Variants in TPP2 observed in about 807,000 individuals in gnomAD.
The protein encoded by TPP2 is tripeptidyl peptidase 2.
A neutral mutation model predicts 155.9 loss-of-function variants in TPP2; 34 were observed. The ratio of observed to expected loss-of-function variants is 0.22; its 90% CI spans 0.17 to 0.29. The LOEUF (loss-of-function observed/expected upper bound fraction) is 0.29, where lower values mean the gene tolerates loss of function less well. TPP2 is among the 10% of genes least tolerant of loss of function. The pLI is 1.00. For missense variants in TPP2, 1,028 were observed against 1,522.3 expected (o/e 0.68, Z 5.40); for synonymous variants, 510 against 529.4 (o/e 0.96, Z 0.50).
chr13:102,663,596 T>G, intron 25 of TPP2, 52 bp from the exon 26 acceptor site: 1 of 1,277,424 alleles, frequency 7.8e-7, no homozygotes, highest in Non-Finnish European at 1.1e-6. Context: ...AGAAGACAAA[T>G]AGTCTTTTTA....
intron 25 of TPP2, among the ~76,000 whole-genome samples, chr13:102,661,114 A>T (rs1884182390): frequency 6.7e-6 from 1 of 150,292 alleles, no homozygotes; most frequent in Non-Finnish European, 1.5e-5. Flanking sequence ...AGAAAAAAAA[A>T]TAGATAATTT....
chr13:102,621,903 A>G (rs557186630), intron 5 of TPP2, among the ~76,000 whole-genome samples: 1 of 152,272 alleles, frequency 6.6e-6, no homozygotes, highest in South Asian at 2.1e-4. Flanking sequence ...TTTACCCACT[A>G]ATCTCAAGCC....
rs771128391 is a variant in TPP2 at position 102,629,587 on chromosome 13, T to G, written c.1122T>G (p.Gly374=). 1 of 1,553,400 alleles carries G rather than the reference T, an allele frequency of 6.4e-7. No homozygotes were observed. Residue 374 remains glycine (G), a synonymous_variant, in exon 9 of 30, where the codon GGT becomes GGG. Transcript: ENST00000376052. ...GCCTGTCTACAGTTGGTTGTCCAGGTGGAACTACATCAAGTGTGATAGGTT... is the reference window on the plus strand; with the variant it reads ...GCCTGTCTACAGTTGGTTGTCCAGGGGGAACTACATCAAGTGTGATAGGTT... ...GPCLSTVGCP[G]GTTSSVIGVG...
chr13:102,631,843 A>G (rs1485575828), intron 10 of TPP2, among the ~76,000 whole-genome samples: 1 of 152,270 alleles, frequency 6.6e-6, no homozygotes, highest in Non-Finnish European at 1.5e-5. Flanking sequence ...TGAACAGAGC[A>G]TGTTCTGTAA....
At chr13:102,612,266 A>G (rs1595139409) in intron 2 of TPP2, among the ~76,000 whole-genome samples, 1 of 152,186 alleles carries the variant, frequency 6.6e-6, no homozygotes, top group Non-Finnish European at 1.5e-5. Context: ...TTTGGAAGCA[A>G]AAGCCTCTAA....
intron 1 of TPP2, among the ~76,000 whole-genome samples, chr13:102,600,154 T>C (rs35235068): frequency 0.26 from 38,975 of 152,060 alleles, 5,285 homozygotes; most frequent in Non-Finnish European, 0.29. Context: ...TCATTTCTTA[T>C]GTCCATAGCC....
At chr13:102,667,852 G>C in intron 27 of TPP2, 1 of 984,036 alleles carries the variant, frequency 1.0e-6, no homozygotes, top group African/African-American at 1.7e-5. Flanking sequence ...GACTCTGGCC[G>C]AGCGACGGAT....
intron 4 of TPP2, among the ~76,000 whole-genome samples, chr13:102,618,366 A>G (rs963858592): frequency 1.3e-5 from 2 of 152,214 alleles, no homozygotes; most frequent in Non-Finnish European, 2.9e-5. Flanking sequence ...ATTTTGTAGC[A>G]GTTTTAGAGT....
At chr13:102,637,020 A>C (rs1478725909) in intron 13 of TPP2, 62 bp from the exon 14 acceptor site, 3 of 1,522,514 alleles carry the variant, frequency 2.0e-6, no homozygotes, top group Non-Finnish European at 8.8e-7. Context: ...AAGATGTAAC[A>C]TTTTTAAATG....
intron 28 of TPP2, 152 bp from the exon 29 acceptor site, chr13:102,676,144 T>A: frequency 1.6e-6 from 1 of 644,398 alleles, no homozygotes; most frequent in Non-Finnish European, 2.4e-6. Context: ...AAGACACCAA[T>A]TTTCTTTTTC....
At chr13:102,677,662 C>T (rs9514039) in intron 29 of TPP2, among the ~76,000 whole-genome samples, 25,422 of 152,214 alleles carry the variant, frequency 0.17, 2,561 homozygotes, top group South Asian at 0.27. Context: ...GCACAGATTT[C>T]TTGTCATTCA....
intron 2 of TPP2, among the ~76,000 whole-genome samples, chr13:102,611,158 GT>G (rs1378471602): frequency 2.6e-5 from 4 of 152,262 alleles, no homozygotes; most frequent in Admixed American, 2.6e-4. Flanking sequence ...TTTCATTGCT[GT>G]GCAATATGCC....
At chr13:102,647,391 G>C in intron 21 of TPP2, 47 bp downstream of exon 21, 1 of 1,579,810 alleles carries the variant, frequency 6.3e-7, no homozygotes, top group Non-Finnish European at 8.6e-7. Context: ...GCTGTTTCCT[G>C]AACTAACAAA....
At chr13:102,613,499 C>G (rs1880472657) in intron 2 of TPP2, among the ~76,000 whole-genome samples, 1 of 152,016 alleles carries the variant, frequency 6.6e-6, no homozygotes, top group African/African-American at 2.4e-5. Flanking sequence ...CTTTTTTGTT[C>G]ACAAGAATAA....
chr13:102,621,263 G>A (rs1881143139), intron 5 of TPP2, among the ~76,000 whole-genome samples: 1 of 152,158 alleles, frequency 6.6e-6, no homozygotes, highest in Admixed American at 6.5e-5. Flanking sequence ...TAAGGATGAT[G>A]ATTTCGTTAA....
intron 7 of TPP2, among the ~76,000 whole-genome samples, chr13:102,627,500 T>C (rs1881710159): frequency 6.6e-6 from 1 of 152,080 alleles, no homozygotes; most frequent in Non-Finnish European, 1.5e-5. Context: ...TCAGCTAACA[T>C]TCTGTACGTC....
intron 27 of TPP2, among the ~76,000 whole-genome samples, chr13:102,668,807 T>A (rs1300845075): frequency 6.6e-6 from 1 of 151,944 alleles, no homozygotes; most frequent in Non-Finnish European, 1.5e-5. Context: ...TTATCTGGAG[T>A]GAATGGTGTC....
Position 102,678,381 on chromosome 13 carries a change from T to C in TPP2, c.*65T>C. On this transcript the variant is annotated 3_prime_UTR_variant, in exon 30 of 30. Transcript: ENST00000376052. Reference sequence around the variant, plus strand: ...TATAGTGAATGGGTATAAAAACAAATTTGTGGCATTTTTAGTCTAATGCAT... The same window carrying C: ...TATAGTGAATGGGTATAAAAACAAACTTGTGGCATTTTTAGTCTAATGCAT... The C allele has an allele frequency of 7.0e-7, 1 of 1,434,998 alleles. No homozygotes were observed. The highest frequency in any genetic ancestry group is 2.3e-5 in the East Asian group (1 of 43,252). 88.9% of individuals were successfully genotyped at this position (1,434,998 alleles called of 1,614,324 possible).
chr13:102,667,422 T>A (rs1159358065), intron 27 of TPP2, among the ~76,000 whole-genome samples: 1 of 152,170 alleles, frequency 6.6e-6, no homozygotes, highest in Non-Finnish European at 1.5e-5. Context: ...AGCAAGATAG[T>A]CTCTACTCTT....
Sources: gnomAD v4.1 joint callset for allele counts (sites outside exome capture counted in the v4.1 genomes callset) on GRCh38, gnomAD v4.1.1 for gene constraint, MANE v1.5 for transcripts, NCBI Gene and HGNC (gene_info 2026-07-23, HGNC 2026-07-21) for gene names.